The following DLG2 variants were observed in gnomAD, a reference collection of about 807,000 sequenced individuals.
DLG2 encodes the protein disks large homolog 2.
DLG2 carries 45 observed loss-of-function variants against 132.5 expected under a neutral mutation model. The ratio of observed to expected loss-of-function variants is 0.34; its 90% CI spans 0.27 to 0.44. The LOEUF is 0.44. Ranked by LOEUF, DLG2 falls within the 20% of genes least tolerant of loss-of-function variation. The probability of loss-of-function intolerance (pLI) is 1.00; values close to 1 mark genes in which losing one functional copy is unlikely to be tolerated. For missense variants in DLG2, 1,045 were observed against 1,196.9 expected, an observed-to-expected ratio of 0.87 and a Z score of 1.87; for synonymous variants, 424 against 419.6, an observed-to-expected ratio of 1.01 and a Z score of -0.13.
At position 84,600,896 on chromosome 11, in the gene DLG2, C is replaced by A. The variant is rs550325606; in HGVS notation, c.358-66165G>T. ...CTCAAAACTGGTACATGGTAGGTGTCCAAGGAATGTTTAGATAATTGCTAT... is the reference window on the plus strand; with the variant it reads ...CTCAAAACTGGTACATGGTAGGTGTACAAGGAATGTTTAGATAATTGCTAT... On this transcript the variant is annotated intron_variant, in intron 6 of 27. Coordinates refer to ENST00000376104, the MANE Select transcript of DLG2 (RefSeq NM_001142699.3). Among the ~76,000 whole-genome samples the A allele has an allele frequency of 4.6e-5, 7 of 152,146 alleles. No homozygotes were observed. The East Asian group carries it at 1.2e-3, about 25-fold the overall frequency.
rs117245210 is a variant in DLG2, at chr11:84,680,733, C to G, written c.358-146002G>C. 4.2e-3 allele frequency among the ~76,000 whole-genome samples: 641 copies of G among 152,246 alleles called. 6 individuals are homozygous for G. The highest frequency in any genetic ancestry group is 6.8e-3 in the Non-Finnish European group (460 of 68,018). On this transcript the variant is annotated intron_variant, in intron 6 of 27. Coordinates refer to ENST00000376104, the MANE Select transcript of DLG2 (RefSeq NM_001142699.3). Reference sequence around the variant, plus strand: ...CTCTCCATAGAGCAGAAGCAAATACCATAGCTTGTACTGCTGGTTTGAGAA... The same window carrying G: ...CTCTCCATAGAGCAGAAGCAAATACGATAGCTTGTACTGCTGGTTTGAGAA...
chr11:84,429,795 A>G (rs2098978488), intron 7 of DLG2, among the ~76,000 whole-genome samples: 1 of 152,124 alleles, frequency 6.6e-6, no homozygotes, highest in Non-Finnish European at 1.5e-5. Context: ...TTTCATCTTC[A>G]TTTTCCAACG....
intron 18 of DLG2, among the ~76,000 whole-genome samples, chr11:83,706,882 AT>A (rs1374265872): frequency 6.6e-6 from 1 of 152,224 alleles, no homozygotes; most frequent in African/African-American, 2.4e-5. Flanking sequence ...GGCAGAAAAA[AT>A]GCAAGACTGA....
chr11:85,564,670 A>C (rs2077432906), intron 3 of DLG2, among the ~76,000 whole-genome samples: 1 of 152,054 alleles, frequency 6.6e-6, no homozygotes, highest in Admixed American at 6.6e-5. Flanking sequence ...CTTTATAATA[A>C]GTCTCAAAAT....
chr11:84,597,950 G>A (rs1043686113), intron 6 of DLG2, among the ~76,000 whole-genome samples: 2 of 152,182 alleles, frequency 1.3e-5, no homozygotes, highest in Non-Finnish European at 2.9e-5. Flanking sequence ...ATGATACCAT[G>A]AGAATAGTGC....
intron 9 of DLG2, among the ~76,000 whole-genome samples, chr11:84,112,806 C>T (rs115097381): frequency 1.4e-3 from 219 of 152,188 alleles, no homozygotes; most frequent in African/African-American, 5.1e-3. Context: ...TCCCTTGGAA[C>T]GGATAAAGAA....
chr11:84,583,248 T>C (rs1478949643), intron 6 of DLG2, among the ~76,000 whole-genome samples: 1 of 152,216 alleles, frequency 6.6e-6, no homozygotes, highest in Admixed American at 6.5e-5. Flanking sequence ...CATATGAATA[T>C]AAGCATTTTC....
intron 17 of DLG2, among the ~76,000 whole-genome samples, chr11:83,815,865 G>T (rs1052477626): frequency 1.1e-4 from 16 of 152,104 alleles, no homozygotes; most frequent in African/African-American, 3.6e-4. Context: ...GAATCCTGGA[G>T]AATACAAACA....
At chr11:84,841,482 T>A (rs892382270) in intron 6 of DLG2, among the ~76,000 whole-genome samples, 10 of 152,032 alleles carry the variant, frequency 6.6e-5, no homozygotes, top group African/African-American at 2.4e-4. Flanking sequence ...ATCTGAAAAA[T>A]TAAACATTAC....
intron 6 of DLG2, among the ~76,000 whole-genome samples, chr11:84,754,796 T>G (rs181520376): frequency 9.2e-5 from 14 of 152,298 alleles, no homozygotes; most frequent in Admixed American, 9.2e-4. Flanking sequence ...CTTAGGTGAT[T>G]ATGATGTGTC....
chr11:85,026,485 A>G (rs1331034078), intron 6 of DLG2, among the ~76,000 whole-genome samples: 2 of 152,064 alleles, frequency 1.3e-5, no homozygotes, highest in Non-Finnish European at 2.9e-5. Context: ...TGTTGGGAAT[A>G]TATATTGTTA....
intron 6 of DLG2, among the ~76,000 whole-genome samples, chr11:84,667,355 C>T (rs2099700719): frequency 6.6e-6 from 1 of 151,278 alleles, no homozygotes; most frequent in South Asian, 2.1e-4. Context: ...AATATAATCA[C>T]AAATATTAAA....
intron 19 of DLG2, among the ~76,000 whole-genome samples, chr11:83,625,710 G>A (rs183168962): frequency 2.6e-5 from 4 of 152,290 alleles, no homozygotes; most frequent in East Asian, 1.9e-4. Context: ...TGGGCTGTGC[G>A]TGCTTGTCTA....
intron 7 of DLG2, among the ~76,000 whole-genome samples, chr11:84,354,318 G>A (rs980883171): frequency 1.3e-5 from 2 of 152,068 alleles, no homozygotes; most frequent in African/African-American, 4.8e-5. Flanking sequence ...TTATAAAGGT[G>A]TATTAGACTG....
intron 5 of DLG2, among the ~76,000 whole-genome samples, chr11:85,146,780 C>A (rs978638642): frequency 1.3e-5 from 2 of 152,208 alleles, no homozygotes; most frequent in Non-Finnish European, 2.9e-5. Context: ...AAGCCCAGAG[C>A]AGTGCCAGGA....
chr11:83,622,022 C>A (rs1454772919), intron 19 of DLG2, among the ~76,000 whole-genome samples: 2 of 152,194 alleles, frequency 1.3e-5, no homozygotes, highest in Non-Finnish European at 2.9e-5. Context: ...TCAAGCGATT[C>A]TCCTGCCTTA....
At chr11:84,928,367 G>T (rs1235383246) in intron 6 of DLG2, among the ~76,000 whole-genome samples, 7 of 152,068 alleles carry the variant, frequency 4.6e-5, no homozygotes, top group Non-Finnish European at 4.4e-5. Context: ...CTCTGCCACA[G>T]AGTATTCCTC....
chr11:85,006,658 G>A (rs960407837), intron 6 of DLG2, among the ~76,000 whole-genome samples: 1 of 151,658 alleles, frequency 6.6e-6, no homozygotes, highest in Admixed American at 6.6e-5. Flanking sequence ...CTATTATGTT[G>A]ATCTTTTTCA....
At chr11:83,800,845 T>C (rs2044174765) in intron 17 of DLG2, among the ~76,000 whole-genome samples, 2 of 152,166 alleles carry the variant, frequency 1.3e-5, no homozygotes, top group South Asian at 2.1e-4. Context: ...AAGTTAACTA[T>C]CTTTATAAGA....
Sources: gnomAD v4.1 joint callset for allele counts (sites outside exome capture counted in the v4.1 genomes callset) on GRCh38, gnomAD v4.1.1 for gene constraint, MANE v1.5 for transcripts, NCBI Gene and HGNC (gene_info 2026-07-23, HGNC 2026-07-21) for gene names.